The following ARHGEF12 variants were observed in gnomAD, a reference collection of about 807,000 sequenced individuals.
ARHGEF12 encodes Rho guanine nucleotide exchange factor 12.
In ARHGEF12, 66 loss-of-function variants were observed where a neutral mutation model predicts 211.2. The observed-to-expected ratio is 0.31, with a 90% CI of 0.26 to 0.38. ARHGEF12 has a LOEUF of 0.38. Ranked by LOEUF, ARHGEF12 falls within the 10% of genes least tolerant of loss-of-function variation. ARHGEF12 has a pLI of 1.00. For missense variants in ARHGEF12, 1,429 were observed against 1,869.5 expected, an observed-to-expected ratio of 0.76 and a Z score of 4.34; for synonymous variants, 592 against 638.4, an observed-to-expected ratio of 0.93 and a Z score of 1.09.
Position 120,480,078 on chromosome 11 carries a change from T to C in ARHGEF12, c.3885T>C (p.Ser1295=). The change falls in exon 38 of 41, where the codon AGT becomes AGC. Residue 1295 remains serine, a synonymous_variant. Coordinates refer to ENST00000397843, the MANE Select transcript of ARHGEF12 (RefSeq NM_015313.3). The part of the protein sequence containing the change: ...RTASQGPQTD[S]VIQNSENIKA... ...CCTCTCAGGGGCCGCAGACAGACAG[T>C]GTCATCCAGAACTCTGAAAATATTA... 6.2e-7 allele frequency: 1 copy of C among 1,614,208 alleles called. No individual in the cohort carries two copies. The highest frequency in any genetic ancestry group is 8.5e-7 in the Non-Finnish European group (1 of 1,180,032).
intron 1 of ARHGEF12, among the ~76,000 whole-genome samples, chr11:120,375,894 G>A (rs534102486): frequency 5.3e-5 from 8 of 152,174 alleles, no homozygotes; most frequent in Admixed American, 2.0e-4. Context: ...AATGAGTACT[G>A]GTCAGGTTTC....
chr11:120,432,355 C>T (rs1182770789), intron 11 of ARHGEF12, among the ~76,000 whole-genome samples: 1 of 152,182 alleles, frequency 6.6e-6, no homozygotes, highest in Admixed American at 6.5e-5. Context: ...GTTAATAGCC[C>T]AGGTTTAGTG....
intron 1 of ARHGEF12, among the ~76,000 whole-genome samples, chr11:120,392,630 T>G (rs960590378): frequency 1.3e-5 from 2 of 152,202 alleles, no homozygotes; most frequent in Non-Finnish European, 2.9e-5. Context: ...ATTTTTGATT[T>G]AGGGACGTAA....
chr11:120,384,585 T>A (rs1943973147), intron 1 of ARHGEF12, among the ~76,000 whole-genome samples: 1 of 152,224 alleles, frequency 6.6e-6, no homozygotes, highest in South Asian at 2.1e-4. Context: ...TGCATGAGTT[T>A]GTCTCTTGTT....
intron 4 of ARHGEF12, among the ~76,000 whole-genome samples, chr11:120,416,798 C>A (rs1167857637): frequency 6.6e-6 from 1 of 152,054 alleles, no homozygotes; most frequent in South Asian, 2.1e-4. Flanking sequence ...ACTACAGGCA[C>A]GCGCCACCAC....
chr11:120,404,678 TC>T (rs1944645646), intron 1 of ARHGEF12, among the ~76,000 whole-genome samples: 2 of 152,178 alleles, frequency 1.3e-5, no homozygotes, highest in Non-Finnish European at 1.5e-5. Flanking sequence ...GATGTTGCAG[TC>T]CCTGACGCAA....
chr11:120,426,153 A>G (rs1487749051), intron 7 of ARHGEF12, among the ~76,000 whole-genome samples: 2 of 152,204 alleles, frequency 1.3e-5, no homozygotes, highest in Admixed American at 6.5e-5. Flanking sequence ...TTGACCACTT[A>G]TTTAATGAGA....
chr11:120,366,672 C>T (rs1031899530), intron 1 of ARHGEF12, among the ~76,000 whole-genome samples: 1 of 152,124 alleles, frequency 6.6e-6, no homozygotes. Context: ...TGAACTTTTC[C>T]ATCTTCTCCA....
chr11:120,444,243 A>G (rs116057330), intron 15 of ARHGEF12, among the ~76,000 whole-genome samples: 1 of 152,298 alleles, frequency 6.6e-6, no homozygotes, highest in African/African-American at 2.4e-5. Context: ...AAAAATGACA[A>G]TATATTGAAG....
chr11:120,472,138 C>T (rs1231214392), intron 30 of ARHGEF12, among the ~76,000 whole-genome samples: 1 of 151,980 alleles, frequency 6.6e-6, no homozygotes, highest in Non-Finnish European at 1.5e-5. Context: ...CACACACACA[C>T]GTGGGGGAAT....
chr11:120,366,566 G>C (rs887819168), intron 1 of ARHGEF12, among the ~76,000 whole-genome samples: 2 of 152,192 alleles, frequency 1.3e-5, no homozygotes, highest in Non-Finnish European at 2.9e-5. Flanking sequence ...TTCCACAAAA[G>C]TATTGGCTGA....
At chr11:120,435,512 C>CTT (rs61516865) in intron 11 of ARHGEF12, among the ~76,000 whole-genome samples, 1,787 of 106,234 alleles carry the variant, frequency 0.017, 71 homozygotes, top group Middle Eastern at 0.027. Context: ...CCCTGTCAAG[C>CTT]TTTTTTTTTT....
intron 1 of ARHGEF12, among the ~76,000 whole-genome samples, chr11:120,355,093 G>A (rs186541254): frequency 3.2e-4 from 48 of 152,312 alleles, no homozygotes; most frequent in African/African-American, 1.0e-3. Context: ...CTAATCTGGA[G>A]GATGTTCTGT....
Position 120,481,396 on chromosome 11 carries a change from T to C in ARHGEF12, c.4374T>C (p.Pro1458=). ...CCACCCACCAGCAGCAACATTCTCC[T>C]CAGAATACTCACTCCGATGGGGCAA... ...VESTHQQQHS[P]QNTHSDGAIS... is the part of the protein sequence containing the mutation. The change falls in exon 39 of 41, where the codon CCT becomes CCC. Residue 1458 remains proline, a synonymous_variant. Coordinates refer to ENST00000397843, the MANE Select transcript of ARHGEF12 (RefSeq NM_015313.3). 2 of 1,614,160 alleles carry C rather than the reference T, an allele frequency of 1.2e-6. No homozygotes were observed. The highest frequency in any genetic ancestry group is 1.7e-6 in the Non-Finnish European group (2 of 1,180,030).
At chr11:120,414,712 A>G (rs1311989761) in intron 4 of ARHGEF12, among the ~76,000 whole-genome samples, 1 of 152,224 alleles carries the variant, frequency 6.6e-6, no homozygotes, top group Non-Finnish European at 1.5e-5. Context: ...CGGAAGAAGT[A>G]TTACTAGGAC....
chr11:120,466,499 A>G (rs1021066676), intron 28 of ARHGEF12, among the ~76,000 whole-genome samples: 27 of 152,228 alleles, frequency 1.8e-4, no homozygotes, highest in Admixed American at 5.9e-4. Flanking sequence ...TCTCAAAATC[A>G]TGTGGTGGCA....
chr11:120,358,960 T>C (rs755330334), intron 1 of ARHGEF12, among the ~76,000 whole-genome samples: 7 of 152,078 alleles, frequency 4.6e-5, no homozygotes, highest in Non-Finnish European at 7.4e-5. Context: ...GACTTACTCA[T>C]GCTGGTCAAG....
Position 120,489,242 on chromosome 11 carries a change from G to GT in ARHGEF12, c.*4172dup, listed in dbSNP as rs1331389550. The GT allele has an allele frequency of 1.8e-5, 4 of 228,032 alleles. No homozygotes were observed. The highest frequency in any genetic ancestry group is 3.5e-5 in the Non-Finnish European group (4 of 114,852). 14.1% of individuals were successfully genotyped at this position (228,032 alleles called of 1,614,324 possible). Reference sequence around the variant, plus strand: ...CCCTAGCATGTGGGGCAGGTTTGTTGTTTTTTTAATAGCTTTATTGAGATA... The same window carrying GT: ...CCCTAGCATGTGGGGCAGGTTTGTTGTTTTTTTTAATAGCTTTATTGAGATA... On this transcript the variant is annotated 3_prime_UTR_variant, in exon 41 of 41. Coordinates refer to ENST00000397843, the MANE Select transcript of ARHGEF12 (RefSeq NM_015313.3).
At chr11:120,458,349 CAA>C (rs1246186703) in intron 25 of ARHGEF12, 115 bp downstream of exon 25, 2 of 1,218,432 alleles carry the variant, frequency 1.6e-6, no homozygotes, top group South Asian at 1.5e-5. Flanking sequence ...TTGTTTTAAA[CAA>C]AGAGGAAATT....
Sources: gnomAD v4.1 joint callset for allele counts (sites outside exome capture counted in the v4.1 genomes callset) on GRCh38, gnomAD v4.1.1 for gene constraint, MANE v1.5 for transcripts, NCBI Gene and HGNC (gene_info 2026-07-23, HGNC 2026-07-21) for gene names.